Variants in INO80 observed in about 807,000 individuals in gnomAD.
INO80 encodes the protein INO80 complex ATPase subunit.
A neutral mutation model predicts 203.4 loss-of-function variants in INO80; 20 were observed. The ratio of observed to expected loss-of-function variants is 0.10; its 90% confidence interval spans 0.07 to 0.14. The LOEUF (loss-of-function observed/expected upper bound fraction) is 0.14. Among genes scored for constraint, INO80 ranks in the 10% least tolerant of loss-of-function variants. The probability of loss-of-function intolerance (pLI) is 1.00; values close to 1 mark genes in which losing one functional copy is unlikely to be tolerated. For synonymous variants in INO80, 726 were observed against 685.2 expected (o/e 1.06, Z -0.93); for missense variants, 1,419 against 1,914.4 (o/e 0.74, Z 4.83).
At chr15:41,087,528 T>C (rs1234444646) in intron 6 of INO80, 34 bp downstream of exon 6, 3 of 1,609,422 alleles carry the variant, frequency 1.9e-6, no homozygotes, top group Non-Finnish European at 2.5e-6. Flanking sequence ...AAACTAAGAA[T>C]GAATATACGT....
At chr15:41,028,885 A>G (rs2044417546) in intron 24 of INO80, among the ~76,000 whole-genome samples, 1 of 152,200 alleles carries the variant, frequency 6.6e-6, no homozygotes, top group African/African-American at 2.4e-5. Context: ...CAGACTTCAT[A>G]ACTCATGTTA....
In INO80 at chr15:41,049,840, C is replaced by G; in HGVS notation, c.2442+95G>C. On this transcript the variant is annotated intron_variant, in intron 20 of 35. Transcript: ENST00000648947. ...GCCAGAGGTTGCAGTGAGCCGAAATCACGCCATTGCACTCCAGCCTGGGCA... is the reference window on the plus strand; with the variant it reads ...GCCAGAGGTTGCAGTGAGCCGAAATGACGCCATTGCACTCCAGCCTGGGCA... The G allele has an allele frequency of 2.6e-6, 3 of 1,142,730 alleles. No homozygotes were observed. In the East Asian group the frequency reaches 7.1e-5, roughly 27 times the overall value. 70.8% of individuals were successfully genotyped at this position (1,142,730 alleles called of 1,614,324 possible). A position where few individuals can be genotyped will look rare whatever the true frequency, so the allele number is the denominator to read the frequency against.
At chr15:41,091,428 A>G (rs530162885) in intron 5 of INO80, among the ~76,000 whole-genome samples, 96 of 152,082 alleles carry the variant, frequency 6.3e-4, no homozygotes, top group Non-Finnish European at 1.1e-3. Context: ...ACACGGGTAA[A>G]CATGTGCCAT....
At position 41,115,999 on chromosome 15, in the gene INO80, G is replaced by C. The variant is rs1334830901; in HGVS notation, c.-70C>G. On this transcript the variant is annotated 5_prime_UTR_variant, in exon 1 of 36. Transcript: ENST00000648947. ...TCGGGCCGCCTGGCCCCGCCGCCGC[G>C]ACGGCGGCGGAGGGGGGGCGGGGTG... The C allele has an allele frequency of 2.6e-6, 1 of 387,152 alleles. No individual in the cohort carries two copies. Among genetic ancestry groups the C allele is most frequent in the Non-Finnish European group, 4.6e-6 (1 of 218,720 alleles). 24.0% of individuals were successfully genotyped at this position (387,152 alleles called of 1,614,324 possible). A position where few individuals can be genotyped will look rare whatever the true frequency, so the allele number is the denominator to read the frequency against.
rs1367021341 is a variant in INO80 at position 41,084,508 on chromosome 15, G to A, written c.873+861C>T. On this transcript the variant is annotated intron_variant, in intron 7 of 35. Transcript: ENST00000648947. ...TGGGAAGCGGAGGTTGCAGTGAGCC[G>A]AGATGATGACACTGCAATCCAGCCC... 2.0e-5 allele frequency among the ~76,000 whole-genome samples: 3 copies of A among 152,110 alleles called. No individual in the cohort carries two copies. In the East Asian group the frequency reaches 5.8e-4, roughly 29 times the overall value.
chr15:41,079,994 T>G, intron 8 of INO80, 90 bp from the exon 9 acceptor site: 1 of 1,124,652 alleles, frequency 8.9e-7, no homozygotes. Flanking sequence ...CCTCAATCTG[T>G]TCAGCCAAAC....
In INO80 at chr15:41,074,367, C is replaced by T; in HGVS notation, c.1327+3G>A. 1 of 1,597,620 alleles carries T rather than the reference C, an allele frequency of 6.3e-7. No homozygotes were observed. Among genetic ancestry groups the T allele is most frequent in the South Asian group, 1.1e-5 (1 of 88,562 alleles). Reference sequence around the variant, plus strand: ...TTCCTCTAAGTCCTGACTGAGGACTCACCATAATCCTCCTGTGTGATGTTA... The same window carrying T: ...TTCCTCTAAGTCCTGACTGAGGACTTACCATAATCCTCCTGTGTGATGTTA... On this transcript the variant is annotated splice_donor_region_variant and intron_variant, in intron 10 of 35. Coordinates refer to ENST00000648947, the MANE Select transcript of INO80 (RefSeq NM_017553.3).
chr15:40,983,051 C>A lies in INO80; in HGVS notation c.4264G>T (p.Ala1422Ser), dbSNP rs775510042. ...CTTCGGGCTGAGTGACCACGTCCTG[C>A]AGCTGGCATTTCCTGAATGGAAATT... is the stretch of plus-strand genomic sequence containing the variant. Reference protein sequence around the residue: ...NGISIQEMPAAGRGHSARSRG... With the variant: ...NGISIQEMPASGRGHSARSRG... Residue 1422 changes from alanine (A) to serine (S), a missense_variant, in exon 35 of 36, where the codon GCA becomes TCA. Physicochemically the swap from Ala to Ser is moderately conservative, Grantham distance 99. Transcript: ENST00000648947. The A allele has an allele frequency of 1.1e-5, 17 of 1,613,420 alleles. No homozygotes were observed. In the South Asian group the frequency reaches 1.9e-4, roughly 18 times the overall value.
chr15:41,107,214 G>C (rs2045892871), intron 1 of INO80, among the ~76,000 whole-genome samples: 1 of 152,114 alleles, frequency 6.6e-6, no homozygotes, highest in African/African-American at 2.4e-5. Flanking sequence ...TTTACTCTTA[G>C]GCCCAGAACA....
chr15:41,098,405 T>C (rs1271071281), intron 1 of INO80, among the ~76,000 whole-genome samples: 2 of 152,188 alleles, frequency 1.3e-5, no homozygotes, highest in Non-Finnish European at 2.9e-5. Flanking sequence ...CTAGGCACAG[T>C]GGCTCATGCC....
At chr15:41,027,292 C>T (rs2044389850) in intron 25 of INO80, among the ~76,000 whole-genome samples, 1 of 152,114 alleles carries the variant, frequency 6.6e-6, no homozygotes, top group Admixed American at 6.6e-5. Flanking sequence ...CCCGACCCTG[C>T]TATTGGGTGA....
intron 24 of INO80, among the ~76,000 whole-genome samples, chr15:41,043,028 A>G (rs2044696175): frequency 6.6e-6 from 1 of 152,206 alleles, no homozygotes. Flanking sequence ...AACATATTTT[A>G]TGACCAGTTT....
At chr15:41,081,435 A>G (rs188744126) in intron 7 of INO80, among the ~76,000 whole-genome samples, 6 of 152,314 alleles carry the variant, frequency 3.9e-5, no homozygotes, top group African/African-American at 1.4e-4. Flanking sequence ...CAAGGCTGAG[A>G]GAGCAGGGCA....
intron 24 of INO80, among the ~76,000 whole-genome samples, chr15:41,035,816 T>C (rs1025967044): frequency 1.4e-5 from 1 of 70,322 alleles, no homozygotes. Flanking sequence ...AGTGAGACTC[T>C]GTCTCAAAAA....
At chr15:41,106,291 T>C (rs911363044) in intron 1 of INO80, among the ~76,000 whole-genome samples, 4 of 147,188 alleles carry the variant, frequency 2.7e-5, no homozygotes, top group Non-Finnish European at 5.9e-5. Context: ...GGCTGGGGTG[T>C]GAGGATGGCT....
intron 5 of INO80, among the ~76,000 whole-genome samples, chr15:41,090,477 T>C (rs1475665447): frequency 2.0e-5 from 3 of 152,060 alleles, no homozygotes; most frequent in Admixed American, 6.6e-5. Context: ...CTCAGCAGGC[T>C]GAGCAGGAGA....
intron 26 of INO80, 152 bp from the exon 27 acceptor site, chr15:41,016,367 C>A: frequency 1.4e-6 from 1 of 717,876 alleles, no homozygotes; most frequent in Non-Finnish European, 2.2e-6. Context: ...ATGCAACGCC[C>A]TGAAAATATC....
chr15:40,995,128 T>C (rs988838004), intron 29 of INO80, among the ~76,000 whole-genome samples: 1 of 152,250 alleles, frequency 6.6e-6, no homozygotes, highest in Non-Finnish European at 1.5e-5. Context: ...AGTGCTGGGA[T>C]TACAAGCGTG....
chr15:41,028,162 G>A (rs552555038), intron 24 of INO80, among the ~76,000 whole-genome samples: 2 of 151,588 alleles, frequency 1.3e-5, no homozygotes, highest in East Asian at 3.9e-4. Flanking sequence ...TTGAGACACA[G>A]TCTTGCTCTG....
Sources: gnomAD v4.1 joint callset for allele counts (sites outside exome capture counted in the v4.1 genomes callset) on GRCh38, gnomAD v4.1.1 for gene constraint, MANE v1.5 for transcripts, NCBI Gene and HGNC (gene_info 2026-07-23, HGNC 2026-07-21) for gene names.